Variants in ADARB2 observed in about 807,000 individuals in gnomAD.
The protein encoded by ADARB2 is adenosine deaminase RNA specific B2 (inactive).
A neutral mutation model predicts 62.2 loss-of-function variants in ADARB2; 25 were observed. The ratio of observed to expected loss-of-function variants is 0.40; its 90% CI spans 0.29 to 0.56. The LOEUF (loss-of-function observed/expected upper bound fraction) is 0.56. Among genes scored for constraint, ADARB2 ranks in the 20% least tolerant of loss-of-function variants. The probability of loss-of-function intolerance (pLI) is 0.43; values close to 1 mark genes in which losing one functional copy is unlikely to be tolerated. For missense variants in ADARB2, 1,071 were observed against 1,077.4 expected, an observed-to-expected ratio of 0.99 and a Z score of 0.08; for synonymous variants, 572 against 500.8, an observed-to-expected ratio of 1.14 and a Z score of -1.90.
intron 2 of ADARB2, among the ~76,000 whole-genome samples, chr10:1,366,989 C>T (rs1832319391): frequency 6.6e-6 from 1 of 152,256 alleles, no homozygotes; most frequent in Non-Finnish European, 1.5e-5. Flanking sequence ...CGTGCATCTG[C>T]TGGCCATGTG....
chr10:1,427,880 C>T (rs1832904835), intron 1 of ADARB2, among the ~76,000 whole-genome samples: 1 of 152,140 alleles, frequency 6.6e-6, no homozygotes, highest in Non-Finnish European at 1.5e-5. Context: ...ATACACACTG[C>T]TCAACAATAA....
At position 1,693,095 on chromosome 10, in the gene ADARB2, C is replaced by T. The variant is rs763607642; in HGVS notation, c.100+43956G>A. ...ATACGTGGTGGAACTCATCAGCACC[C>T]GTGAGCCAACTCCCTCAGGTGTTTC... On this transcript the variant is annotated intron_variant, in intron 1 of 9. Transcript: ENST00000381312. Among the ~76,000 whole-genome samples, 65 of 152,178 alleles carry T rather than the reference C, an allele frequency of 4.3e-4. 1 individual carries two copies. Among genetic ancestry groups the T allele is most frequent in the Non-Finnish European group, 6.9e-4 (47 of 68,036 alleles).
chr10:1,683,286 A>T (rs6560761), intron 1 of ADARB2, among the ~76,000 whole-genome samples: 149,932 of 152,290 alleles, frequency 0.98, 73,848 homozygotes, highest in East Asian at 1. Flanking sequence ...AACTTTAAAA[A>T]TGTGCTTCAT....
At chr10:1,540,865 G>T (rs565166378) in intron 1 of ADARB2, among the ~76,000 whole-genome samples, 1 of 53,806 alleles carries the variant, frequency 1.9e-5, no homozygotes, top group Non-Finnish European at 3.7e-5. Flanking sequence ...CCACTCAGAC[G>T]TAGTTCAGAC....
intron 2 of ADARB2, among the ~76,000 whole-genome samples, chr10:1,368,140 C>A (rs538274187): frequency 1.4e-5 from 2 of 146,666 alleles, no homozygotes; most frequent in Admixed American, 1.4e-4. Flanking sequence ...CTGTGGGGAA[C>A]GGGGGCGCAG....
intron 1 of ADARB2, among the ~76,000 whole-genome samples, chr10:1,630,997 AAATG>A (rs1833835878): frequency 1.3e-5 from 2 of 149,080 alleles, no homozygotes; most frequent in Admixed American, 6.6e-5. Context: ...ACAAACAAAT[AAATG>A]AAAGAAAGAA....
At chr10:1,419,268 A>G (rs904060093) in intron 1 of ADARB2, among the ~76,000 whole-genome samples, 1 of 151,976 alleles carries the variant, frequency 6.6e-6, no homozygotes, top group African/African-American at 2.4e-5. Flanking sequence ...TAATTTTTGT[A>G]TTTTTTTAGT....
At chr10:1,437,909 T>G (rs1005477298) in intron 1 of ADARB2, among the ~76,000 whole-genome samples, 1 of 152,240 alleles carries the variant, frequency 6.6e-6, no homozygotes, top group Non-Finnish European at 1.5e-5. Context: ...ATCTGCTATC[T>G]TTAATCTTCA....
At chr10:1,509,257 C>G (rs1272152936) in intron 1 of ADARB2, among the ~76,000 whole-genome samples, 1 of 152,142 alleles carries the variant, frequency 6.6e-6, no homozygotes, top group Non-Finnish European at 1.5e-5. Context: ...CACTAATATG[C>G]TTTTATGACC....
At chr10:1,559,620 T>TG (rs1056440419) in intron 1 of ADARB2, among the ~76,000 whole-genome samples, 1 of 151,874 alleles carries the variant, frequency 6.6e-6, no homozygotes, top group African/African-American at 2.4e-5. Context: ...CCTGGGCCGG[T>TG]GGGGGGTGGT....
At position 1,513,558 on chromosome 10, in the gene ADARB2, C is replaced by T. The variant is rs374277264; in HGVS notation, c.101-134398G>A. 1.5e-4 allele frequency among the ~76,000 whole-genome samples: 23 copies of T among 152,320 alleles called. No individual in the cohort carries two copies. The East Asian group carries it at 1.9e-3, about 13-fold the overall frequency. On this transcript the variant is annotated intron_variant, in intron 1 of 9. Transcript: ENST00000381312. Reference sequence around the variant, plus strand: ...TAGCCAGGAGTCTCTCATGATGGAGCGCGCTGGGAAGGGCTACTCTGGGGT... The same window carrying T: ...TAGCCAGGAGTCTCTCATGATGGAGTGCGCTGGGAAGGGCTACTCTGGGGT...
chr10:1,529,376 C>A (rs1319162476), intron 1 of ADARB2, among the ~76,000 whole-genome samples: 1 of 152,210 alleles, frequency 6.6e-6, no homozygotes, highest in African/African-American at 2.4e-5. Context: ...CCATGCCCAA[C>A]ACTGCGAGTC....
chr10:1,576,969 G>C (rs939770942), intron 1 of ADARB2, among the ~76,000 whole-genome samples: 9 of 152,158 alleles, frequency 5.9e-5, no homozygotes, highest in Non-Finnish European at 1.3e-4. Flanking sequence ...CGGGCCTCAG[G>C]CTCTGGGTAG....
chr10:1,715,986 C>T (rs1835011993), intron 1 of ADARB2, among the ~76,000 whole-genome samples: 1 of 152,074 alleles, frequency 6.6e-6, no homozygotes, highest in African/African-American at 2.4e-5. Context: ...ACAACTCACG[C>T]CCAGCTGCTG....
At chr10:1,333,964 C>T (rs74118231) in intron 3 of ADARB2, among the ~76,000 whole-genome samples, 221 of 152,322 alleles carry the variant, frequency 1.5e-3, no homozygotes, top group African/African-American at 5.1e-3. Context: ...TTTACAAACG[C>T]CCGTAGCCCC....
At chr10:1,368,857 C>T (rs1355509531) in intron 2 of ADARB2, among the ~76,000 whole-genome samples, 2 of 118,706 alleles carry the variant, frequency 1.7e-5, no homozygotes, top group African/African-American at 5.5e-5. Context: ...GGGTGGGAGC[C>T]GAGCTCGCCC....
intron 1 of ADARB2, among the ~76,000 whole-genome samples, chr10:1,544,944 A>ACACAC (rs1832495896): frequency 8.4e-5 from 1 of 11,852 alleles, no homozygotes; most frequent in Non-Finnish European, 4.1e-4. Context: ...TGAAGTCTAT[A>ACACAC]ATAGCAAAGT....
At chr10:1,355,444 T>C (rs1376860386) in intron 3 of ADARB2, among the ~76,000 whole-genome samples, 2 of 152,208 alleles carry the variant, frequency 1.3e-5, no homozygotes, top group Non-Finnish European at 2.9e-5. Flanking sequence ...TCAACGTCCT[T>C]CTCTGTAAAA....
At chr10:1,564,465 G>C (rs1220881694) in intron 1 of ADARB2, among the ~76,000 whole-genome samples, 6 of 152,080 alleles carry the variant, frequency 3.9e-5, no homozygotes. Context: ...CCATCAGAGT[G>C]AACAGGCAAC....
Sources: allele counts gnomAD v4.1 joint callset (sites outside exome capture counted in the v4.1 genomes callset), GRCh38; gene constraint gnomAD v4.1.1; transcripts MANE v1.5; gene names NCBI Gene and HGNC (gene_info 2026-07-23, HGNC 2026-07-21).